SDK1: variants seen among roughly 807,000 people sequenced by gnomAD.
The protein encoded by SDK1 is protein sidekick-1.
A neutral mutation model predicts 245.5 loss-of-function variants in SDK1; 157 were observed. The ratio of observed to expected loss-of-function variants is 0.64; its 90% CI spans 0.56 to 0.73. SDK1 has a LOEUF of 0.73. Among genes scored for constraint, SDK1 ranks in the 30% least tolerant of loss-of-function variants. The probability of loss-of-function intolerance (pLI) is 0.00; values close to 1 mark genes in which losing one functional copy is unlikely to be tolerated. For missense variants in SDK1, 3,583 were observed against 3,002.3 expected, an observed-to-expected ratio of 1.19 and a Z score of -4.52; for synonymous variants, 1,647 against 1,278.5, an observed-to-expected ratio of 1.29 and a Z score of -6.15.
At chr7:4,031,209 TCA>T (rs1787796747) in intron 17 of SDK1, among the ~76,000 whole-genome samples, 1 of 152,212 alleles carries the variant, frequency 6.6e-6, no homozygotes, top group Non-Finnish European at 1.5e-5. Context: ...CTGTACATCC[TCA>T]CACATACACA....
intron 5 of SDK1, among the ~76,000 whole-genome samples, chr7:3,940,873 C>T (rs1780341304): frequency 6.6e-6 from 1 of 151,956 alleles, no homozygotes; most frequent in African/African-American, 2.4e-5. Flanking sequence ...CTCTGCAGGC[C>T]ATCTCCTGTG....
chr7:4,209,746 A>G (rs376381005), intron 37 of SDK1, among the ~76,000 whole-genome samples: 15 of 152,162 alleles, frequency 9.9e-5, no homozygotes, highest in South Asian at 2.1e-4. Flanking sequence ...ATTTCCATCT[A>G]TTATTCATTT....
At chr7:3,829,905 A>C (rs1246205800) in intron 5 of SDK1, among the ~76,000 whole-genome samples, 1 of 152,190 alleles carries the variant, frequency 6.6e-6, no homozygotes, top group African/African-American at 2.4e-5. Flanking sequence ...GACAGCAAAC[A>C]CAGGTTTGGC....
chr7:4,101,354 A>G (rs772946696), intron 22 of SDK1, among the ~76,000 whole-genome samples: 1 of 152,080 alleles, frequency 6.6e-6, no homozygotes, highest in Non-Finnish European at 1.5e-5. Context: ...TCACCGTGTT[A>G]GCCAGGATGG....
chr7:3,475,254 C>G (rs1399562718), intron 1 of SDK1, among the ~76,000 whole-genome samples: 1 of 152,186 alleles, frequency 6.6e-6, no homozygotes, highest in African/African-American at 2.4e-5. Flanking sequence ...AGGCCTGGCC[C>G]TTCCTTGGAT....
At chr7:4,211,759 A>G (rs1421959689) in intron 38 of SDK1, among the ~76,000 whole-genome samples, 2 of 152,002 alleles carry the variant, frequency 1.3e-5, no homozygotes, top group East Asian at 1.9e-4. Flanking sequence ...ACAGGCGCCC[A>G]CCACCACGCC....
At chr7:3,460,004 A>G (rs550724827) in intron 1 of SDK1, among the ~76,000 whole-genome samples, 3 of 152,358 alleles carry the variant, frequency 2.0e-5, no homozygotes, top group East Asian at 1.9e-4. Flanking sequence ...GCTTTTGCCA[A>G]ACATTTTAAA....
intron 4 of SDK1, among the ~76,000 whole-genome samples, chr7:3,752,921 A>G (rs951534549): frequency 1.3e-5 from 2 of 152,150 alleles, no homozygotes; most frequent in Admixed American, 6.6e-5. Flanking sequence ...TGTCAAATTT[A>G]TTTTCTATCT....
chr7:3,841,114 G>A (rs1780147022), intron 5 of SDK1, among the ~76,000 whole-genome samples: 2 of 152,202 alleles, frequency 1.3e-5, no homozygotes, highest in African/African-American at 4.8e-5. Flanking sequence ...TGTGTGACCA[G>A]TTTTACACAG....
intron 38 of SDK1, among the ~76,000 whole-genome samples, chr7:4,214,315 T>A (rs896105682): frequency 3.3e-5 from 5 of 152,230 alleles, no homozygotes; most frequent in African/African-American, 1.2e-4. Context: ...AACCGCTGGC[T>A]GCACAGCCGA....
At chr7:3,760,096 C>G (rs191982547) in intron 4 of SDK1, among the ~76,000 whole-genome samples, 55 of 150,760 alleles carry the variant, frequency 3.6e-4, no homozygotes, top group African/African-American at 1.3e-3. Context: ...ACGCATTGTG[C>G]ATGTTTGTAA....
intron 1 of SDK1, among the ~76,000 whole-genome samples, chr7:3,470,187 A>G (rs939833727): frequency 2.0e-5 from 3 of 152,274 alleles, no homozygotes; most frequent in Non-Finnish European, 4.4e-5. Flanking sequence ...TCCAAGATCC[A>G]TATGCCAACC....
At chr7:4,139,922 T>G (rs1343461901) in intron 28 of SDK1, among the ~76,000 whole-genome samples, 1 of 152,084 alleles carries the variant, frequency 6.6e-6, no homozygotes, top group Non-Finnish European at 1.5e-5. Context: ...AACGATCTGG[T>G]AATGGGGCAG....
intron 1 of SDK1, among the ~76,000 whole-genome samples, chr7:3,362,289 A>C (rs1165795366): frequency 6.6e-6 from 1 of 152,206 alleles, no homozygotes; most frequent in African/African-American, 2.4e-5. Context: ...GTGTAAATGC[A>C]GACTTCTTTC....
chr7:3,901,485 G>A lies in SDK1; in HGVS notation c.848-49438G>A, dbSNP rs76190295. Reference sequence around the variant, plus strand: ...ACAGGTATGAGCCAAGTTAACTATCGTAATGACCCCATGTCCTTGTCAGTG... The same window carrying A: ...ACAGGTATGAGCCAAGTTAACTATCATAATGACCCCATGTCCTTGTCAGTG... On this transcript the variant is annotated intron_variant, in intron 5 of 44. Coordinates refer to ENST00000404826, the MANE Select transcript of SDK1 (RefSeq NM_152744.4). 5.6e-3 allele frequency among the ~76,000 whole-genome samples: 848 copies of A among 152,224 alleles called. 7 individuals carry two copies. Among genetic ancestry groups the A allele is most frequent in the African/African-American group, 0.019 (786 of 41,502 alleles).
Position 3,635,079 on chromosome 7 carries a change from C to G in SDK1, c.459-3925C>G, listed in dbSNP as rs116509673. Among the ~76,000 whole-genome samples the G allele has an allele frequency of 1.6e-3, 238 of 152,326 alleles. 2 individuals are homozygous for G. The highest frequency in any genetic ancestry group is 5.6e-3 in the African/African-American group (234 of 41,572). ...GTTTTAAGCTAATCTCACAGCTCCC[C>G]TCTGTTGTAATCACAGCATGTAATA... is the stretch of plus-strand genomic sequence containing the variant. On this transcript the variant is annotated intron_variant, in intron 2 of 44. Transcript: ENST00000404826.
At chr7:3,498,640 A>G (rs1472341453) in intron 1 of SDK1, among the ~76,000 whole-genome samples, 3 of 151,830 alleles carry the variant, frequency 2.0e-5, no homozygotes, top group African/African-American at 7.3e-5. Flanking sequence ...CTCCAATATC[A>G]CAGACACAGT....
At chr7:3,865,385 C>T (rs558690483) in intron 5 of SDK1, among the ~76,000 whole-genome samples, 40 of 152,140 alleles carry the variant, frequency 2.6e-4, no homozygotes, top group Non-Finnish European at 5.1e-4. Context: ...GGAGTAAGAC[C>T]GACAGACTCA....
At chr7:4,156,240 G>A (rs1780725531) in intron 30 of SDK1, among the ~76,000 whole-genome samples, 2 of 152,160 alleles carry the variant, frequency 1.3e-5, no homozygotes, top group African/African-American at 4.8e-5. Flanking sequence ...TGGCGCAGGG[G>A]GAGGAGGCAG....
Sources: gnomAD v4.1 joint callset for allele counts (sites outside exome capture counted in the v4.1 genomes callset) on GRCh38, gnomAD v4.1.1 for gene constraint, MANE v1.5 for transcripts, NCBI Gene and HGNC (gene_info 2026-07-23, HGNC 2026-07-21) for gene names.